The following MMP15 variants were observed in gnomAD, a reference collection of about 807,000 sequenced individuals.
MMP15 encodes matrix metallopeptidase 15.
MMP15 carries 36 observed loss-of-function variants against 65.0 expected under a neutral mutation model. That is an observed-to-expected ratio of 0.55 (90% CI 0.42 to 0.73). MMP15 has a LOEUF of 0.73. Among genes scored for constraint, MMP15 ranks in the 30% least tolerant of loss-of-function variants. MMP15 has a pLI of 0.00. For missense variants in MMP15, 870 were observed against 987.8 expected (o/e 0.88, Z 1.60); for synonymous variants, 428 against 410.2 (o/e 1.04, Z -0.52).
chr16:58,030,745 C>T (rs146759078), intron 1 of MMP15, among the ~76,000 whole-genome samples: 12 of 152,306 alleles, frequency 7.9e-5, no homozygotes, highest in African/African-American at 2.2e-4. Flanking sequence ...GTGCACAACA[C>T]GGTGGCCTAC....
chr16:58,037,032 C>T (rs1457586835), intron 1 of MMP15, among the ~76,000 whole-genome samples: 3 of 152,152 alleles, frequency 2.0e-5, no homozygotes, highest in South Asian at 4.1e-4. Flanking sequence ...ATTGAAACAG[C>T]GACCTGAAGA....
intron 1 of MMP15, among the ~76,000 whole-genome samples, chr16:58,033,015 C>T (rs1052968931): frequency 3.4e-5 from 3 of 88,824 alleles, no homozygotes; most frequent in Non-Finnish European, 9.3e-5. Context: ...CTGGAAGGGC[C>T]GGCTGGGGCG....
chr16:58,045,305 G>C lies in MMP15; in HGVS notation c.1869G>C (p.Thr623=), dbSNP rs752013702. 1.9e-6 allele frequency: 3 copies of C among 1,609,920 alleles called. No homozygotes were observed. The highest frequency in any genetic ancestry group is 1.7e-6 in the Non-Finnish European group (2 of 1,179,228). Residue 623 remains threonine, a synonymous_variant, in exon 10 of 10, where the codon ACG becomes ACC. Transcript: ENST00000219271. ...VVVQMEEVAR[T]VNVVMVLVPL... ...TGCAGATGGAGGAGGTGGCACGGAC[G>C]GTGAACGTGGTGATGGTGCTGGTGC...
chr16:58,040,260 A>G (rs1959424283), intron 4 of MMP15, 78 bp downstream of exon 4: 20 of 1,445,756 alleles, frequency 1.4e-5, no homozygotes, highest in Non-Finnish European at 1.9e-5. Context: ...GAGTGGGTTC[A>G]GCAGCCGCGG....
chr16:58,039,032 C>T (rs1959394018), intron 3 of MMP15, among the ~76,000 whole-genome samples: 1 of 152,220 alleles, frequency 6.6e-6, no homozygotes, highest in African/African-American at 2.4e-5. Flanking sequence ...GCAGGCCTCA[C>T]CATACGTCAT....
At chr16:58,039,079 T>A (rs2142328716) in intron 3 of MMP15, among the ~76,000 whole-genome samples, 1 of 152,268 alleles carries the variant, frequency 6.6e-6, no homozygotes, top group East Asian at 1.9e-4. Context: ...CTTCCTCTAA[T>A]CCTCACTGGA....
rs146799826 is a variant in MMP15, at chr16:58,045,048, G to A, written c.1612G>A (p.Asp538Asn). The change falls in exon 10 of 10, where the codon GAC (aspartate) becomes AAC (asparagine). Residue 538 changes from aspartate (D) to asparagine (N), a missense_variant. By Grantham distance (23) the Asp-to-Asn change is conservative. Coordinates refer to ENST00000219271, the MANE Select transcript of MMP15 (RefSeq NM_002428.4). ...FYKGTKYWKFDNERLRMEPGY... is the reference protein window; with the variant it reads ...FYKGTKYWKFNNERLRMEPGY... ...CAAGGGCACCAAATACTGGAAATTC[G>A]ACAATGAGCGCCTGCGGATGGAGCC... 6.9e-4 allele frequency: 1,108 copies of A among 1,613,336 alleles called. 10 individuals are homozygous for A. The African/African-American group carries it at 0.013, about 19-fold the overall frequency.
At position 58,040,053 on chromosome 16, in the gene MMP15, G is replaced by A. The variant is rs1244090747; in HGVS notation, c.619G>A (p.Gly207Ser). Reference sequence around the variant, plus strand: ...GGTACTCTTTGCCTCTGGCTTCCACGGCGACAGCTCGCCGTTTGATGGCAC... The same window carrying A: ...GGTACTCTTTGCCTCTGGCTTCCACAGCGACAGCTCGCCGTTTGATGGCAC... ...IMVLFASGFH[G>S]DSSPFDGTGG... The change falls in exon 4 of 10, where the codon GGC becomes AGC. Residue 207 changes from glycine (G) to serine (S), a missense_variant. Gly to Ser is a moderately conservative substitution (Grantham distance 56, BLOSUM62 0). Coordinates refer to ENST00000219271, the MANE Select transcript of MMP15 (RefSeq NM_002428.4). 9 of 1,614,168 alleles carry A rather than the reference G, an allele frequency of 5.6e-6. No homozygotes were observed. The highest frequency in any genetic ancestry group is 2.2e-5 in the East Asian group (1 of 44,892).
rs775745041 is a variant in MMP15 at position 58,041,759 on chromosome 16, C to A, written c.1053C>A (p.Gly351=). The A allele has an allele frequency of 6.2e-7, 1 of 1,603,658 alleles. No homozygotes were observed. Among genetic ancestry groups the A allele is most frequent in the Non-Finnish European group, 8.5e-7 (1 of 1,175,038 alleles). Residue 351 remains glycine (G), a synonymous_variant, in exon 6 of 10, where the codon GGC becomes GGA. Transcript: ENST00000219271. ...AGCCAGAGCGGCCCCCAAAGCCGGG[C>A]CCCCCAGTCCAGCCCCGAGCCACAG... ...GGKPERPPKP[G]PPVQPRATER...
intron 9 of MMP15, among the ~76,000 whole-genome samples, chr16:58,043,906 C>T (rs1959503065): frequency 6.6e-6 from 1 of 152,226 alleles, no homozygotes; most frequent in Admixed American, 6.5e-5. Flanking sequence ...GGATTCCAGG[C>T]CAGTCCTGCC....
chr16:58,027,789 G>C (rs1403916096), intron 1 of MMP15, among the ~76,000 whole-genome samples: 1 of 152,144 alleles, frequency 6.6e-6, no homozygotes. Context: ...GCCTGGCCAG[G>C]GAGAGCTGAA....
At position 58,045,062 on chromosome 16, in the gene MMP15, G is replaced by T. The variant is rs1408398451; in HGVS notation, c.1626G>T (p.Leu542=). 6.2e-7 allele frequency: 1 copy of T among 1,613,396 alleles called. No homozygotes were observed. The change falls in exon 10 of 10, where the codon CTG becomes CTT. Residue 542 remains leucine, a synonymous_variant. Coordinates refer to ENST00000219271, the MANE Select transcript of MMP15 (RefSeq NM_002428.4). The stretch of plus-strand genomic sequence containing the variant: ...ACTGGAAATTCGACAATGAGCGCCT[G>T]CGGATGGAGCCCGGCTACCCCAAGT... ...TKYWKFDNER[L]RMEPGYPKSI...
chr16:58,035,611 A>G (rs1959315816), intron 1 of MMP15, among the ~76,000 whole-genome samples: 1 of 152,190 alleles, frequency 6.6e-6, no homozygotes, highest in Non-Finnish European at 1.5e-5. Context: ...GTCCTGGTGC[A>G]ATCCCCCTTT....
At chr16:58,031,154 C>T (rs1597062005) in intron 1 of MMP15, among the ~76,000 whole-genome samples, 1 of 152,176 alleles carries the variant, frequency 6.6e-6, no homozygotes, top group Non-Finnish European at 1.5e-5. Context: ...GAGAAATGAC[C>T]CCCGCATTCC....
At chr16:58,042,424 C>T in intron 7 of MMP15, 55 bp downstream of exon 7, 3 of 1,591,516 alleles carry the variant, frequency 1.9e-6, no homozygotes, top group Non-Finnish European at 2.6e-6. Flanking sequence ...GACCTCTGAC[C>T]CTGCTGGATC....
At chr16:58,042,462 T>A in intron 7 of MMP15, 93 bp downstream of exon 7, 1 of 1,511,220 alleles carries the variant, frequency 6.6e-7, no homozygotes, top group Non-Finnish European at 9.0e-7. Flanking sequence ...AAGGGTTGCA[T>A]TGCATGTCTG....
intron 9 of MMP15, 78 bp from the exon 10 acceptor site, chr16:58,044,929 A>G (rs1959523543): frequency 6.6e-7 from 1 of 1,508,000 alleles, no homozygotes; most frequent in Non-Finnish European, 9.2e-7. Context: ...TGAAGCCCTC[A>G]GCATGTCCTG....
chr16:58,038,213 G>T, intron 2 of MMP15, 53 bp from the exon 3 acceptor site: 1 of 1,599,168 alleles, frequency 6.3e-7, no homozygotes, highest in Non-Finnish European at 8.5e-7. Flanking sequence ...GCCAGAACAG[G>T]CAGGTGTGTG....
At chr16:58,033,967 C>T (rs534636312) in intron 1 of MMP15, among the ~76,000 whole-genome samples, 1 of 152,366 alleles carries the variant, frequency 6.6e-6, no homozygotes, top group East Asian at 1.9e-4. Context: ...AGCCCACACC[C>T]GAAGCTGCAG....
Sources: gnomAD v4.1 joint callset for allele counts (sites outside exome capture counted in the v4.1 genomes callset) on GRCh38, gnomAD v4.1.1 for gene constraint, MANE v1.5 for transcripts, NCBI Gene and HGNC (gene_info 2026-07-23, HGNC 2026-07-21) for gene names.